OCA2: variants seen among roughly 807,000 people sequenced by gnomAD.
OCA2 encodes the protein OCA2 melanosomal transmembrane protein, also known as P protein.
OCA2 carries 77 observed loss-of-function variants against 100.2 expected under a neutral mutation model. The observed-to-expected ratio is 0.77, with a 90% CI of 0.64 to 0.93. OCA2 has a LOEUF of 0.93. Ranked by LOEUF, OCA2 falls within the 40% of genes least tolerant of loss-of-function variation. The probability of loss-of-function intolerance (pLI) is 0.00; values close to 1 mark genes in which losing one functional copy is unlikely to be tolerated. For synonymous variants in OCA2, 432 were observed against 439.2 expected (o/e 0.98, Z 0.21); for missense variants, 1,062 against 1,089.1 (o/e 0.98, Z 0.35).
rs572371881 is a variant in OCA2, at chr15:27,955,155, T to C, written c.1842+3A>G. 1.2e-6 allele frequency: 2 copies of C among 1,605,562 alleles called. No individual in the cohort carries two copies. Among genetic ancestry groups the C allele is most frequent in the South Asian group, 1.1e-5 (1 of 90,884 alleles). On this transcript the variant is annotated splice_donor_region_variant and intron_variant, in intron 17 of 23. Coordinates refer to ENST00000354638, the MANE Select transcript of OCA2 (RefSeq NM_000275.3). ...AAATCCCTGAGGAAAGAAAGCTGGGTACCTTTTTTTGGAGTTCTTGGATAT... is the reference window on the plus strand; with the variant it reads ...AAATCCCTGAGGAAAGAAAGCTGGGCACCTTTTTTTGGAGTTCTTGGATAT...
rs576350820 is a variant in OCA2, at chr15:27,994,786, A to G, written c.1045-4139T>C. ...GGAAAGAGTTTGGGGGCAGCCCCCA[A>G]GGAAATTATCTAGGGCATCTCTGAT... is the stretch of plus-strand genomic sequence containing the variant. On this transcript the variant is annotated intron_variant, in intron 9 of 23. Transcript: ENST00000354638. 7.2e-5 allele frequency among the ~76,000 whole-genome samples: 11 copies of G among 152,340 alleles called. No homozygotes were observed. The South Asian group carries it at 2.3e-3, about 32-fold the overall frequency.
intron 9 of OCA2, among the ~76,000 whole-genome samples, chr15:28,009,147 G>C (rs72712652): frequency 0.032 from 4,878 of 152,256 alleles, 114 homozygotes; most frequent in Non-Finnish European, 0.049. Flanking sequence ...TGGACACACA[G>C]AAGTCACAGA....
chr15:27,774,466 G>C (rs1015150145), intron 23 of OCA2, among the ~76,000 whole-genome samples: 14 of 152,208 alleles, frequency 9.2e-5, no homozygotes, highest in African/African-American at 3.4e-4. Flanking sequence ...TGGTCCCTCG[G>C]AAGGTACCTT....
intron 23 of OCA2, among the ~76,000 whole-genome samples, chr15:27,838,569 C>A (rs2035237119): frequency 6.6e-6 from 1 of 152,128 alleles, no homozygotes; most frequent in Non-Finnish European, 1.5e-5. Context: ...CCCATGGATA[C>A]CCAAGGGATA....
At chr15:27,740,316 C>G in the OCA2 span, among the ~76,000 whole-genome samples, 1 of 152,062 alleles carries the variant, frequency 6.6e-6, no homozygotes, top group African/African-American at 2.4e-5. Context: ...AGAAAAAGAT[C>G]AAAAGGTCCC....
intron 2 of OCA2, among the ~76,000 whole-genome samples, chr15:28,073,283 G>A (rs766203403): frequency 3.3e-5 from 5 of 152,078 alleles, no homozygotes; most frequent in Admixed American, 6.5e-5. Context: ...GCGTGGTGGC[G>A]AGCAACTATA....
the OCA2 span, among the ~76,000 whole-genome samples, chr15:27,743,338 T>C: frequency 6.6e-6 from 1 of 152,148 alleles, no homozygotes; most frequent in Non-Finnish European, 1.5e-5. Context: ...GCCACACTCT[T>C]GAGAAGGGGT....
chr15:27,817,147 G>A (rs180982051), intron 23 of OCA2, among the ~76,000 whole-genome samples: 14 of 152,192 alleles, frequency 9.2e-5, no homozygotes, highest in East Asian at 1.9e-4. Context: ...TGTATTTTTC[G>A]CCTTCTTTAT....
intron 21 of OCA2, among the ~76,000 whole-genome samples, chr15:27,853,944 C>A (rs1389981011): frequency 6.6e-6 from 1 of 152,212 alleles, no homozygotes; most frequent in African/African-American, 2.4e-5. Context: ...AAGAGAGCCA[C>A]CCTCTGCTGG....
intron 11 of OCA2, 90 bp downstream of exon 11, chr15:27,989,511 A>G: frequency 9.6e-7 from 1 of 1,041,294 alleles, no homozygotes; most frequent in Non-Finnish European, 1.5e-6. Context: ...TGTGTCTTTA[A>G]CATAATGAAG....
chr15:27,725,119 G>A, the OCA2 span, among the ~76,000 whole-genome samples: 20 of 152,316 alleles, frequency 1.3e-4, no homozygotes, highest in East Asian at 1.7e-3. Flanking sequence ...ACCGCAGAGT[G>A]GGCAGTGGGA....
intron 14 of OCA2, among the ~76,000 whole-genome samples, chr15:27,974,498 G>A (rs926979186): frequency 5.3e-5 from 8 of 152,292 alleles, no homozygotes; most frequent in East Asian, 1.9e-4. Context: ...CGGGCATGGC[G>A]GCTCATGCCT....
At chr15:27,985,235 C>T (rs377519308) in intron 12 of OCA2, 47 bp from the exon 13 acceptor site, 110 of 1,609,702 alleles carry the variant, frequency 6.8e-5, no homozygotes, top group African/African-American at 2.4e-4. Context: ...TGAGCAGGCT[C>T]GTAGAACAGA....
At chr15:27,950,037 A>T (rs1595703428) in intron 18 of OCA2, among the ~76,000 whole-genome samples, 1 of 152,214 alleles carries the variant, frequency 6.6e-6, no homozygotes, top group African/African-American at 2.4e-5. Flanking sequence ...TGTAAAAAAA[A>T]CGTAGACTTG....
At chr15:27,858,307 G>A (rs1465791130) in intron 21 of OCA2, among the ~76,000 whole-genome samples, 1 of 150,746 alleles carries the variant, frequency 6.6e-6, no homozygotes, top group East Asian at 2.0e-4. Context: ...CTGGGAGGCA[G>A]AGGTTGCAGT....
At chr15:27,919,851 T>C (rs1429859985) in intron 19 of OCA2, among the ~76,000 whole-genome samples, 1 of 152,144 alleles carries the variant, frequency 6.6e-6, no homozygotes, top group Non-Finnish European at 1.5e-5. Context: ...AGGAAGTTGA[T>C]AATGGGGGAA....
intron 23 of OCA2, among the ~76,000 whole-genome samples, chr15:27,839,356 G>T (rs768618815): frequency 6.6e-6 from 1 of 152,188 alleles, no homozygotes; most frequent in African/African-American, 2.4e-5. Flanking sequence ...TATGGAAAAT[G>T]TGTGAGTCAT....
chr15:27,736,612 G>T, the OCA2 span, among the ~76,000 whole-genome samples: 28 of 151,976 alleles, frequency 1.8e-4, no homozygotes, highest in Non-Finnish European at 3.8e-4. Flanking sequence ...CTTCCAATTA[G>T]CAAATCCCAT....
At chr15:27,851,555 C>T in intron 21 of OCA2, 80 bp from the exon 22 acceptor site, 1 of 1,107,126 alleles carries the variant, frequency 9.0e-7, no homozygotes, top group Non-Finnish European at 1.4e-6. Context: ...TTAGAAAATC[C>T]AAATGCTTTC....
Sources: allele counts gnomAD v4.1 joint callset (sites outside exome capture counted in the v4.1 genomes callset), GRCh38; gene constraint gnomAD v4.1.1; transcripts MANE v1.5; gene names NCBI Gene and HGNC (gene_info 2026-07-23, HGNC 2026-07-21).